HYDIN: variants seen among roughly 807,000 people sequenced by gnomAD.
The protein encoded by HYDIN is axonemal central pair apparatus protein HYDIN.
Under a neutral mutation model 403.9 loss-of-function variants are expected in HYDIN, and 132 were observed. The ratio of observed to expected loss-of-function variants is 0.33; its 90% CI spans 0.28 to 0.38. The LOEUF (loss-of-function observed/expected upper bound fraction) is 0.38. Among genes scored for constraint, HYDIN ranks in the 10% least tolerant of loss-of-function variants. The pLI is 1.00. For missense variants in HYDIN, 2,827 were observed against 5,009.5 expected, an observed-to-expected ratio of 0.56 and a Z score of 13.15; for synonymous variants, 1,202 against 1,891.7, an observed-to-expected ratio of 0.64 and a Z score of 9.46.
intron 8 of HYDIN, among the ~76,000 whole-genome samples, chr16:71,133,440 A>G (rs1002077338): frequency 6.6e-6 from 1 of 152,260 alleles, no homozygotes. Context: ...GCCTCTAAAC[A>G]TAACTGAGAT....
chr16:70,949,825 G>A (rs143431064), intron 41 of HYDIN, among the ~76,000 whole-genome samples: 10 of 152,400 alleles, frequency 6.6e-5, no homozygotes, highest in African/African-American at 9.6e-5. Context: ...AAGGAGTTTG[G>A]AGTCAGAATT....
intron 60 of HYDIN, among the ~76,000 whole-genome samples, chr16:70,881,628 G>A (rs2040817537): frequency 6.6e-6 from 1 of 150,682 alleles, no homozygotes; most frequent in Non-Finnish European, 1.5e-5. Flanking sequence ...AAAAAACTCA[G>A]AGAATAATGA....
chr16:71,029,800 T>A (rs1213826573), intron 19 of HYDIN, among the ~76,000 whole-genome samples: 2 of 152,138 alleles, frequency 1.3e-5, no homozygotes. Context: ...GAGGGAAGGA[T>A]TCTGGGGAGG....
intron 23 of HYDIN, among the ~76,000 whole-genome samples, chr16:71,015,577 A>C (rs2080229921): frequency 6.6e-6 from 1 of 151,414 alleles, no homozygotes; most frequent in Non-Finnish European, 1.5e-5. Flanking sequence ...AAACCCAAAC[A>C]GTCCCTGGCA....
chr16:70,944,212 C>A (rs2502727), intron 41 of HYDIN, among the ~76,000 whole-genome samples: 71,930 of 151,970 alleles, frequency 0.47, 20,075 homozygotes, highest in Non-Finnish European at 0.64. Context: ...ATTCACTGAG[C>A]ACCTATCTTG....
At chr16:71,139,016 G>A (rs1299481269) in intron 7 of HYDIN, among the ~76,000 whole-genome samples, 16 of 151,502 alleles carry the variant, frequency 1.1e-4, no homozygotes, top group African/African-American at 1.9e-4. Flanking sequence ...CCCGGGAGGC[G>A]GAGGTTGTGG....
At chr16:71,191,549 C>T (rs994564688) in intron 1 of HYDIN, among the ~76,000 whole-genome samples, 2 of 152,194 alleles carry the variant, frequency 1.3e-5, no homozygotes, top group Non-Finnish European at 2.9e-5. Context: ...TTCCAGTCCT[C>T]TACTACACCC....
At position 70,838,476 on chromosome 16, in the gene HYDIN, C is replaced by T. The variant is rs548852637; in HGVS notation, c.13044-588G>A. On this transcript the variant is annotated intron_variant, in intron 76 of 85. Transcript: ENST00000393567. Reference sequence around the variant, plus strand: ...AAAGTGCTGGGATTACAGGCCACCGCGCCCAGCCTGATTCTCGATTTCTTG... The same window carrying T: ...AAAGTGCTGGGATTACAGGCCACCGTGCCCAGCCTGATTCTCGATTTCTTG... 3.7e-4 allele frequency among the ~76,000 whole-genome samples: 57 copies of T among 152,268 alleles called. No homozygotes were observed. In the South Asian group the frequency reaches 0.01, roughly 27 times the overall value.
chr16:71,010,868 A>G (rs2144099432), intron 23 of HYDIN, among the ~76,000 whole-genome samples: 1 of 152,310 alleles, frequency 6.6e-6, no homozygotes, highest in South Asian at 2.1e-4. Flanking sequence ...GTCTGGGCTT[A>G]TCTGGCTGCA....
chr16:70,885,422 C>T (rs1243208439), intron 58 of HYDIN, among the ~76,000 whole-genome samples: 1 of 147,878 alleles, frequency 6.8e-6, no homozygotes, highest in Non-Finnish European at 1.5e-5. Context: ...ACCATCCTGA[C>T]AGAAGAGAAG....
chr16:71,169,664 G>A (rs1418292478), intron 5 of HYDIN, among the ~76,000 whole-genome samples: 1 of 152,134 alleles, frequency 6.6e-6, no homozygotes, highest in East Asian at 1.9e-4. Context: ...CCAGGGACTG[G>A]GGTTGGAGAA....
chr16:70,954,992 T>C lies in HYDIN; in HGVS notation c.6316+383A>G, dbSNP rs370910209. ...CCCATTTCCTTGAAAACTTCCCACA[T>C]CACCCTTGTTGGAACCCATTCATCC... On this transcript the variant is annotated intron_variant, in intron 40 of 85. Transcript: ENST00000393567. Among the ~76,000 whole-genome samples the C allele has an allele frequency of 8.1e-3, 1,231 of 152,198 alleles. 18 individuals are homozygous for C. The highest frequency in any genetic ancestry group is 0.028 in the African/African-American group (1,143 of 41,532).
chr16:71,050,776 A>G (rs2081610236), intron 18 of HYDIN, among the ~76,000 whole-genome samples: 1 of 151,812 alleles, frequency 6.6e-6, no homozygotes, highest in Non-Finnish European at 1.5e-5. Flanking sequence ...AACTTTGATA[A>G]AATTAAAAAT....
chr16:70,954,442 T>C (rs112835707), intron 40 of HYDIN, among the ~76,000 whole-genome samples: 3,068 of 118,494 alleles, frequency 0.026, 110 homozygotes, highest in African/African-American at 0.094. Flanking sequence ...GACAGAGAGA[T>C]ACCTTGTCTC....
At chr16:70,835,565 T>C (rs2037372586) in intron 78 of HYDIN, 111 bp downstream of exon 78, 2 of 673,912 alleles carry the variant, frequency 3.0e-6, no homozygotes. Flanking sequence ...CTTAGAATGG[T>C]CTGGCACATT....
chr16:70,898,132 G>A (rs2076260180), intron 53 of HYDIN, among the ~76,000 whole-genome samples: 2 of 152,194 alleles, frequency 1.3e-5, no homozygotes. Flanking sequence ...TTGCACCACT[G>A]CACTCCAGCC....
chr16:70,938,573 C>G, intron 44 of HYDIN, 41 bp downstream of exon 44: 1 of 1,384,282 alleles, frequency 7.2e-7, no homozygotes, highest in African/African-American at 1.4e-5. Flanking sequence ...GGGACGGTCC[C>G]GGGGGAATGG....
chr16:70,916,899 T>C (rs1358712481), intron 47 of HYDIN, among the ~76,000 whole-genome samples: 1 of 151,746 alleles, frequency 6.6e-6, no homozygotes, highest in South Asian at 2.1e-4. Context: ...TTCTTTCCCC[T>C]CTCTCTCTTC....
At chr16:70,834,823 G>A (rs1344229062) in intron 78 of HYDIN, among the ~76,000 whole-genome samples, 2 of 150,998 alleles carry the variant, frequency 1.3e-5, no homozygotes, top group African/African-American at 4.9e-5. Flanking sequence ...ACTCCAGCCT[G>A]GTCGACAGAG....
Sources: gnomAD v4.1 joint callset for allele counts (sites outside exome capture counted in the v4.1 genomes callset) on GRCh38, gnomAD v4.1.1 for gene constraint, MANE v1.5 for transcripts, NCBI Gene and HGNC (gene_info 2026-07-23, HGNC 2026-07-21) for gene names.